SORCS2: variants seen among roughly 807,000 people sequenced by gnomAD.
The protein encoded by SORCS2 is sortilin related VPS10 domain containing receptor 2, also known as VPS10 domain-containing receptor SorCS2.
In SORCS2, 100 loss-of-function variants were observed where a neutral mutation model predicts 141.6. The observed-to-expected ratio is 0.71, with a 90% CI of 0.60 to 0.83. The LOEUF is 0.83. Ranked by LOEUF, SORCS2 falls within the 40% of genes least tolerant of loss-of-function variation. SORCS2 has a pLI of 0.00. For missense variants in SORCS2, 1,646 were observed against 1,560.2 expected (o/e 1.05, Z -0.93); for synonymous variants, 789 against 676.9 (o/e 1.17, Z -2.57).
chr4:7,225,790 G>T (rs931212785), intron 1 of SORCS2, among the ~76,000 whole-genome samples: 63 of 152,340 alleles, frequency 4.1e-4, no homozygotes, highest in African/African-American at 1.4e-3. Flanking sequence ...CTGTGGACCA[G>T]TTGGGGCTTC....
At chr4:7,320,492 G>A (rs1718829510) in intron 1 of SORCS2, among the ~76,000 whole-genome samples, 1 of 152,224 alleles carries the variant, frequency 6.6e-6, no homozygotes, top group African/African-American at 2.4e-5. Context: ...ATTCACATTT[G>A]ACATTTTACT....
intron 2 of SORCS2, among the ~76,000 whole-genome samples, chr4:7,429,630 C>T (rs1285688317): frequency 1.3e-5 from 2 of 152,142 alleles, no homozygotes; most frequent in Non-Finnish European, 2.9e-5. Flanking sequence ...CCCGGCGGGC[C>T]CCTCCCACAG....
At chr4:7,422,512 C>A (rs1215308515) in intron 2 of SORCS2, among the ~76,000 whole-genome samples, 1 of 152,150 alleles carries the variant, frequency 6.6e-6, no homozygotes, top group African/African-American at 2.4e-5. Context: ...AGTTTGAGAC[C>A]CCCTGCTGTG....
intron 1 of SORCS2, among the ~76,000 whole-genome samples, chr4:7,360,116 TA>T (rs1450874864): frequency 6.6e-6 from 1 of 152,244 alleles, no homozygotes; most frequent in Non-Finnish European, 1.5e-5. Context: ...ATTATCTTTT[TA>T]ATGTTGCCAA....
intron 12 of SORCS2, among the ~76,000 whole-genome samples, chr4:7,702,766 C>T (rs867657487): frequency 6.6e-6 from 1 of 152,240 alleles, no homozygotes; most frequent in Admixed American, 6.5e-5. Context: ...GAGCTTTGGA[C>T]TGAAGAGACA....
chr4:7,650,856 G>A (rs1721403111), intron 4 of SORCS2, among the ~76,000 whole-genome samples: 2 of 151,668 alleles, frequency 1.3e-5, no homozygotes, highest in East Asian at 1.9e-4. Flanking sequence ...AACAAAACAC[G>A]GTGAGCTCTG....
chr4:7,502,339 G>C (rs1732023683), intron 2 of SORCS2, among the ~76,000 whole-genome samples: 1 of 152,234 alleles, frequency 6.6e-6, no homozygotes, highest in African/African-American at 2.4e-5. Flanking sequence ...AGAGGATTCT[G>C]TGGTCATGGT....
intron 2 of SORCS2, among the ~76,000 whole-genome samples, chr4:7,502,671 C>T (rs779296075): frequency 1.3e-5 from 2 of 152,200 alleles, no homozygotes; most frequent in African/African-American, 2.4e-5. Context: ...AGAGAACGGG[C>T]GTGACTTGCT....
intron 1 of SORCS2, among the ~76,000 whole-genome samples, chr4:7,294,264 C>A (rs891119989): frequency 6.6e-6 from 1 of 152,094 alleles, no homozygotes; most frequent in Non-Finnish European, 1.5e-5. Flanking sequence ...TGGGGTGGGG[C>A]AATTTCTAAT....
rs116143710 is a variant in SORCS2, at chr4:7,500,966, C to G, written c.549-30564C>G. 5.3e-3 allele frequency among the ~76,000 whole-genome samples: 808 copies of G among 152,320 alleles called. 4 individuals are homozygous for G. The highest frequency in any genetic ancestry group is 0.018 in the African/African-American group (765 of 41,562). On this transcript the variant is annotated intron_variant, in intron 2 of 26. Coordinates refer to ENST00000507866, the MANE Select transcript of SORCS2 (RefSeq NM_020777.3). ...GGAGGTTTGGCCTTCCCAGGGAGCT[C>G]GGCTCAAGCCAGCGTGGATCCAGCT... is the stretch of plus-strand genomic sequence containing the variant.
chr4:7,571,919 T>A (rs1354277166), intron 3 of SORCS2, among the ~76,000 whole-genome samples: 3 of 152,176 alleles, frequency 2.0e-5, no homozygotes, highest in Non-Finnish European at 2.9e-5. Flanking sequence ...CTGCTGACAG[T>A]GTCATCCGCT....
rs140964797 is a variant in SORCS2 at position 7,628,376 on chromosome 4, T to G, written c.649-9952T>G. On this transcript the variant is annotated intron_variant, in intron 3 of 26. Coordinates refer to ENST00000507866, the MANE Select transcript of SORCS2 (RefSeq NM_020777.3). ...CTACTAAAAATACAAAAAATTAGCC[T>G]GGCGTGGTGGCGGGCGCCTGTAGTC... Among the ~76,000 whole-genome samples the G allele has an allele frequency of 3.9e-3, 597 of 152,048 alleles. 6 individuals carry two copies. Among genetic ancestry groups the G allele is most frequent in the African/African-American group, 0.014 (568 of 41,486 alleles).
intron 1 of SORCS2, among the ~76,000 whole-genome samples, chr4:7,360,805 G>A (rs554428606): frequency 1.3e-5 from 2 of 151,476 alleles, no homozygotes; most frequent in East Asian, 2.0e-4. Flanking sequence ...GCCTGGTCTC[G>A]AACTCCTGAG....
intron 1 of SORCS2, among the ~76,000 whole-genome samples, chr4:7,267,819 G>A (rs562642326): frequency 3.1e-4 from 47 of 152,174 alleles, no homozygotes; most frequent in Non-Finnish European, 5.7e-4. Flanking sequence ...GCAACAAAGC[G>A]AGACTCCGTC....
intron 4 of SORCS2, among the ~76,000 whole-genome samples, chr4:7,645,502 GGT>G (rs897311069): frequency 6.9e-6 from 1 of 145,636 alleles, no homozygotes; most frequent in Non-Finnish European, 1.5e-5. Flanking sequence ...AGTGTGTGTG[GGT>G]GTGTGAGTGT....
At chr4:7,526,427 C>T (rs967758279) in intron 2 of SORCS2, among the ~76,000 whole-genome samples, 5 of 152,176 alleles carry the variant, frequency 3.3e-5, no homozygotes, top group Admixed American at 2.6e-4. Context: ...AGGCTGTGAA[C>T]TCTAGGATTC....
chr4:7,208,823 C>T (rs569646806), intron 1 of SORCS2, among the ~76,000 whole-genome samples: 9 of 152,358 alleles, frequency 5.9e-5, no homozygotes, highest in African/African-American at 2.2e-4. Flanking sequence ...GTCTTCTGAG[C>T]ACAGAGAGGG....
intron 15 of SORCS2, among the ~76,000 whole-genome samples, chr4:7,713,133 A>G (rs1466411073): frequency 6.6e-6 from 1 of 151,960 alleles, no homozygotes; most frequent in Admixed American, 6.5e-5. Context: ...GGAGTCCAGT[A>G]TGCTTGGGGT....
chr4:7,382,021 A>T (rs1359346623), intron 1 of SORCS2: 1 of 980,092 alleles, frequency 1.0e-6, no homozygotes, highest in African/African-American at 1.8e-5. Context: ...ACAAGGAAGG[A>T]AGGGAGTCGG....
Sources: gnomAD v4.1 joint callset for allele counts (sites outside exome capture counted in the v4.1 genomes callset) on GRCh38, gnomAD v4.1.1 for gene constraint, MANE v1.5 for transcripts, NCBI Gene and HGNC (gene_info 2026-07-23, HGNC 2026-07-21) for gene names.